CRADD: variants seen among roughly 807,000 people sequenced by gnomAD.
CRADD encodes the protein death domain-containing protein CRADD.
Under a neutral mutation model 15.5 loss-of-function variants are expected in CRADD, and 9 were observed. That is an observed-to-expected ratio of 0.58 (90% confidence interval 0.35 to 1.01). CRADD has a LOEUF of 1.01. Ranked by LOEUF, CRADD falls within the 50% of genes least tolerant of loss-of-function variation. The pLI, the probability that CRADD is intolerant of heterozygous loss-of-function variation, is 0.02. For missense variants in CRADD, 227 were observed against 250.3 expected, an observed-to-expected ratio of 0.91 and a Z score of 0.63; for synonymous variants, 118 against 107.6, an observed-to-expected ratio of 1.10 and a Z score of -0.60.
downstream of CRADD, chr12:93,894,811 C>G (rs1344486614): frequency 6.6e-6 from 1 of 152,412 alleles, no homozygotes; most frequent in African/African-American, 2.4e-5. Context: ...TCGGTCTCCC[C>G]TTCAGACCCA....
intron 2 of CRADD, chr12:93,790,880 A>G (rs1020937519): frequency 1.3e-5 from 2 of 151,402 alleles, no homozygotes; most frequent in African/African-American, 4.9e-5. Flanking sequence ...GAGTATCTGC[A>G]TCTCCTCCAA....
chr12:93,719,482 C>T (rs148010591), intron 2 of CRADD, among the ~76,000 whole-genome samples: 255 of 152,192 alleles, frequency 1.7e-3, no homozygotes, highest in African/African-American at 5.8e-3. Context: ...GAAGTATTTC[C>T]ACTGCTTCTA....
At chr12:93,852,836 A>AGT (rs58175344), downstream of CRADD, among the ~76,000 whole-genome samples, 36,890 of 149,452 alleles carry the variant, frequency 0.25, 4,429 homozygotes, top group East Asian at 0.27. Context: ...GTTGGGTTGG[A>AGT]GTGTGTGTGT....
intron 2 of CRADD, among the ~76,000 whole-genome samples, chr12:93,764,663 G>A (rs1483734870): frequency 6.6e-5 from 10 of 151,912 alleles, no homozygotes; most frequent in African/African-American, 2.2e-4. Context: ...GGGAAGAGAT[G>A]GTGGTATCCT....
intron 2 of CRADD, among the ~76,000 whole-genome samples, chr12:93,800,723 T>C (rs924372769): frequency 6.6e-6 from 1 of 152,188 alleles, no homozygotes. Context: ...CAGTCTCAGG[T>C]AGTATCTTTA....
At chr12:93,868,194 G>A (rs1231603570) in intron 2 of CRADD, among the ~76,000 whole-genome samples, 58 of 152,152 alleles carry the variant, frequency 3.8e-4, no homozygotes, top group Admixed American at 3.8e-3. Context: ...TAATGTACAA[G>A]GATGTTCATT....
At chr12:93,821,619 G>T (rs575427437) in intron 2 of CRADD, among the ~76,000 whole-genome samples, 4 of 152,182 alleles carry the variant, frequency 2.6e-5, no homozygotes, top group Non-Finnish European at 5.9e-5. Context: ...ATGGTCTGGA[G>T]GGCCAAGATG....
intron 2 of CRADD, among the ~76,000 whole-genome samples, chr12:93,779,608 G>A (rs1021825310): frequency 1.3e-5 from 1 of 74,672 alleles, no homozygotes; most frequent in African/African-American, 4.3e-5. Flanking sequence ...TTTTTTTTTT[G>A]AGACAGAGTC....
chr12:93,723,877 A>G (rs1163388498), intron 2 of CRADD, among the ~76,000 whole-genome samples: 2 of 152,090 alleles, frequency 1.3e-5, no homozygotes, highest in African/African-American at 2.4e-5. Context: ...TGTTCATCAC[A>G]TGGAAGGCTT....
intron 2 of CRADD, among the ~76,000 whole-genome samples, chr12:93,694,413 GA>G (rs2136821585): frequency 6.6e-6 from 1 of 152,262 alleles, no homozygotes; most frequent in East Asian, 1.9e-4. Flanking sequence ...TCAGGAACAA[GA>G]GAAGGATGCC....
intron 2 of CRADD, among the ~76,000 whole-genome samples, chr12:93,816,539 T>C (rs553576163): frequency 6.0e-4 from 92 of 152,274 alleles, no homozygotes; most frequent in African/African-American, 2.0e-3. Context: ...AAAACAATTA[T>C]TAATGAGATA....
rs1021973321 is a variant in CRADD at position 93,824,562 on chromosome 12, A to G, written c.299-25408A>G. 6.6e-6 allele frequency among the ~76,000 whole-genome samples: 1 copy of G among 152,192 alleles called. No individual in the cohort carries two copies. Among genetic ancestry groups the G allele is most frequent in the Non-Finnish European group, 1.5e-5 (1 of 68,030 alleles). On this transcript the variant is annotated intron_variant, in intron 2 of 2. Coordinates refer to ENST00000332896, the MANE Select transcript of CRADD (RefSeq NM_003805.5). The surrounding 1 kb of genome is among the most constrained non-coding windows in gnomAD (Gnocchi z 4.3). The stretch of plus-strand genomic sequence containing the variant: ...AAGTCAAAAAATTGCTTTGAAGAGT[A>G]TATTTACTAGAGTTCAGTTTACTTA...
At chr12:93,710,032 T>C (rs562245209) in intron 2 of CRADD, among the ~76,000 whole-genome samples, 1 of 152,360 alleles carries the variant, frequency 6.6e-6, no homozygotes, top group South Asian at 2.1e-4. Context: ...CAAAATATAG[T>C]GACTTAAAAC....
At chr12:93,756,895 G>A (rs1956896693) in intron 2 of CRADD, among the ~76,000 whole-genome samples, 1 of 152,142 alleles carries the variant, frequency 6.6e-6, no homozygotes, top group Admixed American at 6.5e-5. Flanking sequence ...CTACAGGTGG[G>A]AAGTCTTGAG....
intron 2 of CRADD, among the ~76,000 whole-genome samples, chr12:93,865,154 G>A (rs1493855): frequency 0.45 from 68,883 of 151,916 alleles, 16,119 homozygotes; most frequent in Middle Eastern, 0.54. Flanking sequence ...CCCAAGCTCC[G>A]GTGAGGAGGT....
chr12:93,727,734 C>A (rs890462518), intron 2 of CRADD, among the ~76,000 whole-genome samples: 5 of 152,106 alleles, frequency 3.3e-5, no homozygotes, highest in African/African-American at 1.2e-4. Flanking sequence ...AGAGCTGAGC[C>A]ATGGAGAGGC....
At chr12:93,757,475 AC>A (rs1267850785) in intron 2 of CRADD, among the ~76,000 whole-genome samples, 1 of 152,172 alleles carries the variant, frequency 6.6e-6, no homozygotes, top group African/African-American at 2.4e-5. Context: ...ACTTTGTGAT[AC>A]CCACAAGCCT....
At chr12:93,762,790 AT>A (rs1273435361) in intron 2 of CRADD, among the ~76,000 whole-genome samples, 5 of 151,060 alleles carry the variant, frequency 3.3e-5, no homozygotes, top group African/African-American at 7.3e-5. Flanking sequence ...AGCATTTCTT[AT>A]TTTTTTATTT....
chr12:93,762,636 CAT>C (rs2136951699), intron 2 of CRADD, among the ~76,000 whole-genome samples: 1 of 152,306 alleles, frequency 6.6e-6, no homozygotes, highest in South Asian at 2.1e-4. Flanking sequence ...GGACTGCTAA[CAT>C]ATGCTCAAGT....
Sources: gnomAD v4.1 joint callset for allele counts (sites outside exome capture counted in the v4.1 genomes callset) on GRCh38, gnomAD v4.1.1 for gene constraint, Gnocchi (gnomAD v3.1) non-coding constraint, MANE v1.5 for transcripts, NCBI Gene and HGNC (gene_info 2026-07-23, HGNC 2026-07-21) for gene names.